MAK: variants seen among roughly 807,000 people sequenced by gnomAD.
MAK encodes the protein male germ cell associated kinase, also known as serine/threonine-protein kinase MAK.
MAK carries 65 observed loss-of-function variants against 82.6 expected under a neutral mutation model. That is an observed-to-expected ratio of 0.79 (90% confidence interval 0.64 to 0.97). The LOEUF is 0.97. Ranked by LOEUF, MAK falls within the 50% of genes least tolerant of loss-of-function variation. The pLI is 0.00. For synonymous variants in MAK, 250 were observed against 274.2 expected (o/e 0.91, Z 0.87); for missense variants, 703 against 780.2 (o/e 0.90, Z 1.18).
At chr6:10,815,176 C>G (rs1488357738) in intron 4 of MAK, among the ~76,000 whole-genome samples, 1 of 151,946 alleles carries the variant, frequency 6.6e-6, no homozygotes, top group Non-Finnish European at 1.5e-5. Context: ...CTAATATATG[C>G]CAAATATTAT....
intron 1 of MAK, among the ~76,000 whole-genome samples, chr6:10,837,751 G>A (rs1179968380): frequency 3.9e-5 from 6 of 152,168 alleles, no homozygotes; most frequent in African/African-American, 1.4e-4. Flanking sequence ...TCTCGACACC[G>A]CACTCTCGAC....
chr6:10,782,202 T>TCACACACACACACACA (rs746386493), intron 11 of MAK, among the ~76,000 whole-genome samples: 8 of 146,152 alleles, frequency 5.5e-5, no homozygotes, highest in African/African-American at 2.0e-4. Context: ...TGAAACTCTG[T>TCACACACACACACACA]CACACACACA....
At chr6:10,807,682 C>T (rs1489715102) in intron 6 of MAK, among the ~76,000 whole-genome samples, 1 of 151,762 alleles carries the variant, frequency 6.6e-6, no homozygotes, top group African/African-American at 2.4e-5. Flanking sequence ...ATAATATTCA[C>T]ACAGGCAGAG....
At chr6:10,784,010 A>C (rs750170042) in intron 11 of MAK, among the ~76,000 whole-genome samples, 6 of 152,132 alleles carry the variant, frequency 3.9e-5, no homozygotes, top group East Asian at 1.9e-4. Flanking sequence ...CAGAGCGAGA[A>C]TCTGTCTCAA....
intron 1 of MAK, among the ~76,000 whole-genome samples, chr6:10,834,631 G>A (rs1779036454): frequency 6.6e-6 from 1 of 152,130 alleles, no homozygotes; most frequent in Admixed American, 6.5e-5. Flanking sequence ...AGTGAAGTGG[G>A]ACTACTCCAT....
intron 8 of MAK, among the ~76,000 whole-genome samples, chr6:10,797,454 G>C (rs1775658462): frequency 6.6e-6 from 1 of 152,176 alleles, no homozygotes; most frequent in South Asian, 2.1e-4. Context: ...TAGAGGGCCA[G>C]GGACATTGCT....
chr6:10,815,944 A>ATG (rs1167724413), intron 4 of MAK, among the ~76,000 whole-genome samples: 1 of 104,264 alleles, frequency 9.6e-6, no homozygotes, highest in Non-Finnish European at 2.1e-5. Flanking sequence ...ATATATATAT[A>ATG]TATGTATGTT....
rs1309900919 is a variant in MAK, at chr6:10,791,641, C to A, written c.1316+34G>T. Reference sequence around the variant, plus strand: ...TGAGTAAAATAAAGTTAATGCATGGCAAAAATATTTTTCTGAGGAATTTGA... The same window carrying A: ...TGAGTAAAATAAAGTTAATGCATGGAAAAAATATTTTTCTGAGGAATTTGA... On this transcript the variant is annotated intron_variant, in intron 10 of 14. Coordinates refer to ENST00000354489, the MANE Select transcript of MAK (RefSeq NM_001242957.3). 2.5e-6 allele frequency: 4 copies of A among 1,594,550 alleles called. No individual in the cohort carries two copies. The African/African-American group carries it at 5.4e-5, about 21-fold the overall frequency.
intron 10 of MAK, among the ~76,000 whole-genome samples, chr6:10,785,225 T>G (rs1466739116): frequency 1.3e-5 from 2 of 152,172 alleles, no homozygotes; most frequent in African/African-American, 4.8e-5. Context: ...GACTTTCTGC[T>G]TCGAGGCTTA....
intron 2 of MAK, among the ~76,000 whole-genome samples, chr6:10,826,321 C>T (rs1778366711): frequency 6.6e-6 from 1 of 150,950 alleles, no homozygotes; most frequent in African/African-American, 2.4e-5. Context: ...GATACTTCTC[C>T]AGTGTGGCTT....
Position 10,764,457 on chromosome 6 carries a change from G to A in MAK, c.1942C>T (p.Arg648Trp), listed in dbSNP as rs375794836. Residue 648 changes from arginine to tryptophan, a missense_variant, in exon 15 of 15, where the codon CGG becomes TGG. Arg to Trp is a moderately radical substitution (Grantham distance 101). Coordinates refer to ENST00000354489, the MANE Select transcript of MAK (RefSeq NM_001242957.3). Reference sequence around the variant, plus strand: ...GGGTTTCACACCATAGACTCCTACCGGTGGCCTCCATACTTGGCCACCCAG... The same window carrying A: ...GGGTTTCACACCATAGACTCCTACCAGTGGCCTCCATACTTGGCCACCCAG... ...TDWVAKYGGHR is the reference protein window; with the variant it reads ...TDWVAKYGGHW The A allele has an allele frequency of 3.0e-5, 48 of 1,613,686 alleles. No homozygotes were observed. Among genetic ancestry groups the A allele is most frequent in the Middle Eastern group, 1.7e-4 (1 of 6,060 alleles).
chr6:10,779,754 G>A (rs1773796892), intron 11 of MAK, among the ~76,000 whole-genome samples: 1 of 151,950 alleles, frequency 6.6e-6, no homozygotes, highest in South Asian at 2.1e-4. Context: ...GCACTATCTT[G>A]GCTCACTGCA....
chr6:10,829,571 AAC>A (rs1778619855), intron 2 of MAK, among the ~76,000 whole-genome samples: 2 of 152,198 alleles, frequency 1.3e-5, no homozygotes, highest in Non-Finnish European at 2.9e-5. Context: ...CATCTCAAAA[AAC>A]ACAAACAAAA....
chr6:10,824,527 A>G (rs1562001876), intron 2 of MAK, among the ~76,000 whole-genome samples: 1 of 150,094 alleles, frequency 6.7e-6, no homozygotes, highest in Non-Finnish European at 1.5e-5. Context: ...CCCTTCTCCC[A>G]CCGTTCCACT....
intron 2 of MAK, among the ~76,000 whole-genome samples, chr6:10,824,038 T>G (rs1387939669): frequency 6.6e-6 from 1 of 152,036 alleles, no homozygotes; most frequent in African/African-American, 2.4e-5. Flanking sequence ...GACTCTAATA[T>G]CTGTAATTTT....
intron 1 of MAK, among the ~76,000 whole-genome samples, chr6:10,834,826 G>A (rs1192104703): frequency 6.6e-6 from 1 of 152,044 alleles, no homozygotes; most frequent in South Asian, 2.1e-4. Flanking sequence ...GTCTCACTCT[G>A]TGCCAGGTCC....
At chr6:10,779,512 T>C (rs1773769009) in intron 11 of MAK, 6 of 983,826 alleles carry the variant, frequency 6.1e-6, no homozygotes, top group Non-Finnish European at 7.2e-6. Context: ...AATTATATGG[T>C]ACATTTCTAG....
At chr6:10,818,861 G>C in intron 3 of MAK, 25 bp downstream of exon 3, 1 of 1,410,162 alleles carries the variant, frequency 7.1e-7, no homozygotes, top group Middle Eastern at 1.8e-4. Context: ...GCCTTCTCAG[G>C]TTCTTTTCAT....
chr6:10,835,259 A>AT (rs947335506), intron 1 of MAK, among the ~76,000 whole-genome samples: 103 of 152,112 alleles, frequency 6.8e-4, no homozygotes, highest in African/African-American at 2.3e-3. Flanking sequence ...TCTTTCTACG[A>AT]TTTTTCCCAC....
Sources: allele counts gnomAD v4.1 joint callset (sites outside exome capture counted in the v4.1 genomes callset), GRCh38; gene constraint gnomAD v4.1.1; transcripts MANE v1.5; gene names NCBI Gene and HGNC (gene_info 2026-07-23, HGNC 2026-07-21).